Variants in CYFIP2 observed in about 807,000 individuals in gnomAD.
The protein encoded by CYFIP2 is cytoplasmic FMR1 interacting protein 2, also known as cytoplasmic FMR1-interacting protein 2.
In CYFIP2, 29 loss-of-function variants were observed where a neutral mutation model predicts 158.7. That is an observed-to-expected ratio of 0.18 (90% CI 0.14 to 0.25). The LOEUF (loss-of-function observed/expected upper bound fraction) is 0.25, where lower values mean the gene tolerates loss of function less well. Among genes scored for constraint, CYFIP2 ranks in the 10% least tolerant of loss-of-function variants. The pLI, the probability that CYFIP2 is intolerant of heterozygous loss-of-function variation, is 1.00. For synonymous variants in CYFIP2, 585 were observed against 617.6 expected (o/e 0.95, Z 0.78); for missense variants, 852 against 1,639.5 (o/e 0.52, Z 8.29).
chr5:157,379,704 A>G (rs1276017488), intron 26 of CYFIP2, among the ~76,000 whole-genome samples: 6 of 144,626 alleles, frequency 4.1e-5, no homozygotes, highest in African/African-American at 1.5e-4. Context: ...CCCACACCAG[A>G]CGCAGATGGT....
intron 26 of CYFIP2, among the ~76,000 whole-genome samples, chr5:157,373,694 T>TA (rs1765203928): frequency 6.6e-6 from 1 of 152,188 alleles, no homozygotes; most frequent in African/African-American, 2.4e-5. Flanking sequence ...TACTAAATGA[T>TA]AAAAATAGAT....
At chr5:157,340,952 A>C (rs1390927093) in intron 22 of CYFIP2, 118 bp from the exon 23 acceptor site, 1 of 842,664 alleles carries the variant, frequency 1.2e-6, no homozygotes, top group African/African-American at 1.7e-5. Context: ...CCTAACAAAC[A>C]GTGCACTTGT....
At chr5:157,384,809 G>C (rs527306195) in intron 28 of CYFIP2, 4 of 295,862 alleles carry the variant, frequency 1.4e-5, no homozygotes, top group African/African-American at 2.2e-5. Flanking sequence ...GCGTGGTGGC[G>C]GGCACTTGTA....
intron 1 of CYFIP2, among the ~76,000 whole-genome samples, chr5:157,271,945 C>T (rs1756132851): frequency 6.6e-6 from 1 of 152,194 alleles, no homozygotes; most frequent in Admixed American, 6.5e-5. Flanking sequence ...CATATGACAG[C>T]CCCAGGGCCC....
At chr5:157,363,717 G>A (rs997809815) in intron 26 of CYFIP2, 3 of 152,580 alleles carry the variant, frequency 2.0e-5, no homozygotes, top group Admixed American at 6.5e-5. Flanking sequence ...TCAAAGGCCT[G>A]GGGGCTACTG....
intron 10 of CYFIP2, among the ~76,000 whole-genome samples, chr5:157,310,222 T>A (rs1192792609): frequency 6.6e-6 from 1 of 152,222 alleles, no homozygotes; most frequent in Non-Finnish European, 1.5e-5. Flanking sequence ...AAGTCCATCG[T>A]GCAGTCGACG....
In CYFIP2 at chr5:157,307,718, C is replaced by T. The variant is rs149260038; in HGVS notation, c.796-43C>T. 37 of 1,276,098 alleles carry T rather than the reference C, an allele frequency of 2.9e-5. No homozygotes were observed. The African/African-American group carries it at 5.2e-4, about 18-fold the overall frequency. The allele number at this position is 1,276,098 out of a possible 1,614,324, so 79.0% of individuals were successfully genotyped here. A position where few individuals can be genotyped will look rare whatever the true frequency, so the allele number is the denominator to read the frequency against. On this transcript the variant is annotated intron_variant, in intron 8 of 30. Transcript: ENST00000620254. ...CCTTTTTGTTTTTAAACTTTTCCAG[C>T]AGATGTGATTAGTTTCTATGCTCTG...
chr5:157,355,295 G>A (rs981494612), intron 23 of CYFIP2, among the ~76,000 whole-genome samples: 2 of 152,126 alleles, frequency 1.3e-5, no homozygotes, highest in African/African-American at 4.8e-5. Context: ...CGTAGCTGTC[G>A]CCAAAGCTGC....
At chr5:157,347,352 T>A (rs933954672) in intron 23 of CYFIP2, among the ~76,000 whole-genome samples, 1 of 150,730 alleles carries the variant, frequency 6.6e-6, no homozygotes, top group Non-Finnish European at 1.5e-5. Flanking sequence ...GACCCTACCC[T>A]TGGCCAAAGG....
intron 10 of CYFIP2, among the ~76,000 whole-genome samples, chr5:157,310,676 T>A (rs1759638389): frequency 6.6e-6 from 1 of 152,210 alleles, no homozygotes; most frequent in Non-Finnish European, 1.5e-5. Flanking sequence ...TGAAGCTGGC[T>A]GGGAGCGGAG....
In CYFIP2 at chr5:157,343,244, C is replaced by T. The variant is rs35576540; in HGVS notation, c.2673+2087C>T. The T allele has an allele frequency of 4.7e-4, 764 of 1,614,194 alleles. 5 individuals carry two copies. The African/African-American group carries it at 9.3e-3, about 20-fold the overall frequency. On this transcript the variant is annotated intron_variant, in intron 23 of 30. Transcript: ENST00000620254. ...CAGGGAGCTTCCAGGAGCCAGCGGA[C>T]TCTTATCCAGGGTGTGGAACATGGT...
chr5:157,374,063 T>C (rs1295763540), intron 26 of CYFIP2, among the ~76,000 whole-genome samples: 1 of 152,190 alleles, frequency 6.6e-6, no homozygotes, highest in Non-Finnish European at 1.5e-5. Context: ...AGTAACTAGA[T>C]TATTAATGAT....
At chr5:157,343,113 C>T (rs1169098626) in intron 23 of CYFIP2, 2 of 1,614,190 alleles carry the variant, frequency 1.2e-6, no homozygotes, top group Admixed American at 1.7e-5. Flanking sequence ...CATCGCGGCT[C>T]ATGGCAACGG....
chr5:157,324,100 G>T, intron 16 of CYFIP2, 26 bp downstream of exon 16: 1 of 1,586,454 alleles, frequency 6.3e-7, no homozygotes, highest in Admixed American at 1.7e-5. Flanking sequence ...TCCCTGCTAA[G>T]GCATGGGAGG....
At chr5:157,356,177 A>C (rs1287766211) in intron 23 of CYFIP2, among the ~76,000 whole-genome samples, 1 of 152,172 alleles carries the variant, frequency 6.6e-6, no homozygotes, top group East Asian at 1.9e-4. Context: ...TTAAGGTGCC[A>C]ACAGATCCAG....
At chr5:157,343,384 C>T in intron 23 of CYFIP2, 1 of 1,614,170 alleles carries the variant, frequency 6.2e-7, no homozygotes, top group Non-Finnish European at 8.5e-7. Context: ...GCACCTTCTC[C>T]TCGTGGTGGA....
chr5:157,325,333 A>T (rs888611272), intron 16 of CYFIP2, 149 bp from the exon 17 acceptor site: 1 of 846,226 alleles, frequency 1.2e-6, no homozygotes, highest in Admixed American at 4.0e-5. Context: ...CTTGCCTTTA[A>T]GTAAAAGAGA....
chr5:157,338,128 G>A (rs1761989246), intron 21 of CYFIP2, among the ~76,000 whole-genome samples: 1 of 152,208 alleles, frequency 6.6e-6, no homozygotes, highest in South Asian at 2.1e-4. Flanking sequence ...GACAATGAGA[G>A]TCCAAAGCGT....
chr5:157,360,652 G>A (rs1328041216), intron 25 of CYFIP2, among the ~76,000 whole-genome samples: 1 of 152,204 alleles, frequency 6.6e-6, no homozygotes, highest in African/African-American at 2.4e-5. Context: ...GCAGAGCCAG[G>A]TTATTAGAAA....
Sources: gnomAD v4.1 joint callset for allele counts (sites outside exome capture counted in the v4.1 genomes callset) on GRCh38, gnomAD v4.1.1 for gene constraint, MANE v1.5 for transcripts, NCBI Gene and HGNC (gene_info 2026-07-23, HGNC 2026-07-21) for gene names.